The following CALN1 variants were observed in gnomAD, a reference collection of about 807,000 sequenced individuals.
CALN1 encodes the protein calcium-binding protein 8.
CALN1 carries 17 observed loss-of-function variants against 30.6 expected under a neutral mutation model. The observed-to-expected ratio is 0.56, with a 90% CI of 0.38 to 0.83. The LOEUF (loss-of-function observed/expected upper bound fraction) is 0.83, where lower values mean the gene tolerates loss of function less well. Among genes scored for constraint, CALN1 ranks in the 40% least tolerant of loss-of-function variants. The probability of loss-of-function intolerance (pLI) is 0.00; values close to 1 mark genes in which losing one functional copy is unlikely to be tolerated. For missense variants in CALN1, 291 were observed against 354.9 expected (o/e 0.82, Z 1.45); for synonymous variants, 156 against 131.4 (o/e 1.19, Z -1.28).
intron 5 of CALN1, among the ~76,000 whole-genome samples, chr7:71,949,476 G>A (rs1236230175): frequency 6.6e-6 from 1 of 152,028 alleles, no homozygotes; most frequent in Non-Finnish European, 1.5e-5. Context: ...CTCTCCCTGA[G>A]GTTCAAGCGA....
intron 2 of CALN1, among the ~76,000 whole-genome samples, chr7:72,293,112 GA>G (rs1340883125): frequency 2.0e-5 from 3 of 152,066 alleles, no homozygotes; most frequent in African/African-American, 7.2e-5. Context: ...GCTTAGCCAG[GA>G]AAACAGAGCC....
chr7:72,352,138 G>T (rs752501961), intron 2 of CALN1, among the ~76,000 whole-genome samples: 1 of 152,044 alleles, frequency 6.6e-6, no homozygotes, highest in Non-Finnish European at 1.5e-5. Context: ...CTGCACTCCA[G>T]CCTGGGTGAC....
Position 71,885,221 on chromosome 7 carries a change from G to T in CALN1, c.502-74729C>A, listed in dbSNP as rs568782505. Among the ~76,000 whole-genome samples, 18 of 151,808 alleles carry T rather than the reference G, an allele frequency of 1.2e-4. No homozygotes were observed. In the East Asian group the frequency reaches 3.5e-3, roughly 29 times the overall value. ...GGCTGCTCTGCAGTGGTGTGATCTC[G>T]GCTCACTGCAACCTCTGCCTCCCAG... On this transcript the variant is annotated intron_variant, in intron 5 of 6. Coordinates refer to ENST00000395275, the MANE Select transcript of CALN1 (RefSeq NM_031468.4).
the CALN1 span, among the ~76,000 whole-genome samples, chr7:72,496,964 G>A: frequency 6.6e-6 from 1 of 152,184 alleles, no homozygotes; most frequent in South Asian, 2.1e-4. Flanking sequence ...GGAACTGAGA[G>A]ACAAGGAATG....
intron 2 of CALN1, among the ~76,000 whole-genome samples, chr7:72,354,137 A>G (rs939650784): frequency 6.6e-6 from 1 of 152,144 alleles, no homozygotes; most frequent in African/African-American, 2.4e-5. Context: ...CAGTGAAACG[A>G]AATTGTGCCA....
chr7:72,101,883 G>T (rs1289073470), intron 4 of CALN1, among the ~76,000 whole-genome samples: 5 of 152,162 alleles, frequency 3.3e-5, no homozygotes, highest in African/African-American at 4.8e-5. Context: ...GCTTTTCAGA[G>T]GGAAAGGGTA....
At chr7:72,082,167 G>C (rs1805189863) in intron 4 of CALN1, among the ~76,000 whole-genome samples, 2 of 152,100 alleles carry the variant, frequency 1.3e-5, no homozygotes, top group South Asian at 4.1e-4. Flanking sequence ...TGTATTTTTA[G>C]TAGAGACAGG....
intron 3 of CALN1, among the ~76,000 whole-genome samples, chr7:72,163,801 G>T (rs760857712): frequency 6.6e-6 from 1 of 152,088 alleles, no homozygotes; most frequent in African/African-American, 2.4e-5. Flanking sequence ...GACAATGAGA[G>T]ATTTAACATA....
intron 5 of CALN1, among the ~76,000 whole-genome samples, chr7:71,876,585 TATTG>T (rs1792257045): frequency 6.6e-6 from 1 of 152,226 alleles, no homozygotes; most frequent in South Asian, 2.1e-4. Context: ...AGCTAACTTT[TATTG>T]ATTCTTTGTA....
intron 5 of CALN1, among the ~76,000 whole-genome samples, chr7:71,810,707 G>A (rs556812486): frequency 1.5e-4 from 23 of 151,962 alleles, no homozygotes; most frequent in African/African-American, 5.3e-4. Flanking sequence ...TATTCCCTTC[G>A]CTTTAGCTTC....
chr7:72,339,598 CT>C (rs2129558722), intron 2 of CALN1, among the ~76,000 whole-genome samples: 1 of 152,312 alleles, frequency 6.6e-6, no homozygotes, highest in Non-Finnish European at 1.5e-5. Flanking sequence ...CTGTATCAGT[CT>C]GTTCTTATGC....
intron 6 of CALN1, among the ~76,000 whole-genome samples, chr7:71,788,722 A>T (rs1375043773): frequency 6.6e-6 from 1 of 151,768 alleles, no homozygotes; most frequent in African/African-American, 2.4e-5. Flanking sequence ...CAGTGGCATG[A>T]TCTTGGCTCA....
chr7:72,193,289 T>C (rs747664765), intron 3 of CALN1, among the ~76,000 whole-genome samples: 4 of 152,036 alleles, frequency 2.6e-5, no homozygotes, highest in Non-Finnish European at 5.9e-5. Context: ...TGTTTAAGCC[T>C]GGGAGATCGA....
intron 3 of CALN1, among the ~76,000 whole-genome samples, chr7:72,207,696 C>T (rs1296205435): frequency 6.6e-6 from 1 of 152,150 alleles, no homozygotes; most frequent in Non-Finnish European, 1.5e-5. Context: ...ATTGCTATAA[C>T]CCCATAATTG....
chr7:72,138,627 CA>C (rs2129543273), intron 3 of CALN1, among the ~76,000 whole-genome samples: 1 of 152,302 alleles, frequency 6.6e-6, no homozygotes, highest in South Asian at 2.1e-4. Flanking sequence ...AGCTAATCTT[CA>C]AAGAGGCTGC....
chr7:72,380,791 G>T (rs931701403), intron 2 of CALN1, among the ~76,000 whole-genome samples: 2 of 152,162 alleles, frequency 1.3e-5, no homozygotes, highest in Non-Finnish European at 2.9e-5. Flanking sequence ...GCTGCAGTGA[G>T]CTATAAAGCC....
At chr7:72,250,465 C>T (rs1016286545) in intron 3 of CALN1, among the ~76,000 whole-genome samples, 1 of 152,150 alleles carries the variant, frequency 6.6e-6, no homozygotes, top group Non-Finnish European at 1.5e-5. Flanking sequence ...CACCCGTACT[C>T]TTAACCATTC....
intron 4 of CALN1, among the ~76,000 whole-genome samples, chr7:72,082,791 C>G (rs1314749612): frequency 6.6e-6 from 1 of 152,224 alleles, no homozygotes; most frequent in Non-Finnish European, 1.5e-5. Context: ...GAAAGCCTGA[C>G]TCCAGTGCCT....
chr7:72,097,915 T>C (rs958891045), intron 4 of CALN1, among the ~76,000 whole-genome samples: 18 of 152,086 alleles, frequency 1.2e-4, no homozygotes, highest in Non-Finnish European at 1.9e-4. Context: ...GGTTTCACCA[T>C]ATTGGCCAGG....
Sources: allele counts gnomAD v4.1 joint callset (sites outside exome capture counted in the v4.1 genomes callset), GRCh38; gene constraint gnomAD v4.1.1; transcripts MANE v1.5; gene names NCBI Gene and HGNC (gene_info 2026-07-23, HGNC 2026-07-21).